Variants in OXNAD1 observed in about 807,000 individuals in gnomAD.
OXNAD1 encodes oxidoreductase NAD binding domain containing 1.
OXNAD1 carries 34 observed loss-of-function variants against 32.9 expected under a neutral mutation model. The observed-to-expected ratio is 1.03, with a 90% CI of 0.79 to 1.38. OXNAD1 has a LOEUF of 1.38. Among genes scored for constraint, OXNAD1 ranks in the 40% most tolerant of loss-of-function variants. OXNAD1 has a pLI of 0.00. For synonymous variants in OXNAD1, 134 were observed against 135.2 expected, an observed-to-expected ratio of 0.99 and a Z score of 0.06; for missense variants, 407 against 379.4, an observed-to-expected ratio of 1.07 and a Z score of -0.60.
chr3:16,313,362 G>A (rs1450082748), intron 9 of OXNAD1, among the ~76,000 whole-genome samples: 2 of 152,020 alleles, frequency 1.3e-5, no homozygotes, highest in African/African-American at 4.8e-5. Flanking sequence ...ATCTTGAACT[G>A]TGCTGAGGGT....
chr3:16,337,689 C>G (rs968907387), downstream of OXNAD1, among the ~76,000 whole-genome samples: 2 of 150,572 alleles, frequency 1.3e-5, no homozygotes, highest in African/African-American at 2.5e-5. This position sits in a 1 kb window ranked among gnomAD's most constrained non-coding sequence, Gnocchi z 5.0. Flanking sequence ...TTGCAGTGAG[C>G]CCAGATTGCG....
chr3:16,313,149 A>G (rs908448763), intron 9 of OXNAD1, among the ~76,000 whole-genome samples: 4 of 148,604 alleles, frequency 2.7e-5, no homozygotes, highest in African/African-American at 1.0e-4. Flanking sequence ...GGGCTCAAGC[A>G]ATTCTCTCAC....
Position 16,291,276 on chromosome 3 carries a change from T to G in OXNAD1, c.291-3580T>G, listed in dbSNP as rs141516613. Among the ~76,000 whole-genome samples the G allele has an allele frequency of 2.9e-4, 44 of 152,314 alleles. No homozygotes were observed. In the East Asian group the frequency reaches 8.3e-3, roughly 29 times the overall value. On this transcript the variant is annotated intron_variant, in intron 5 of 8. Transcript: ENST00000285083. ...ACTTAAAAAGACTGTTATGTTGAGA[T>G]ATATTCATATAAAATTCAAACATTT...
At chr3:16,269,433 C>T (rs943716741) in intron 2 of OXNAD1, among the ~76,000 whole-genome samples, 158 bp downstream of exon 2, 5 of 152,134 alleles carry the variant, frequency 3.3e-5, no homozygotes, top group East Asian at 1.9e-4. Context: ...CATGCTTATC[C>T]GCAATGATGC....
chr3:16,311,112 G>A (rs2067951653), intron 9 of OXNAD1, among the ~76,000 whole-genome samples: 1 of 149,842 alleles, frequency 6.7e-6, no homozygotes, highest in Non-Finnish European at 1.5e-5. Flanking sequence ...AAGAGCTGCT[G>A]CTTTCTGTTG....
chr3:16,300,133 G>C (rs746498705), intron 6 of OXNAD1, among the ~76,000 whole-genome samples: 1 of 152,064 alleles, frequency 6.6e-6, no homozygotes, highest in African/African-American at 2.4e-5. Context: ...TTACCAACTC[G>C]GTCAGATCCA....
chr3:16,298,748 G>C lies in OXNAD1; in HGVS notation c.433-2878G>C, dbSNP rs2066976641. ...GCTCTTGGCAGGGTAAAGGGTTCTA[G>C]ACAGCTATTGTGTGCTCAGCTCCAG... On this transcript the variant is annotated intron_variant, in intron 6 of 8. Transcript: ENST00000285083. The surrounding 1 kb of genome is among the most constrained non-coding windows in gnomAD (Gnocchi z 5.1). Among the ~76,000 whole-genome samples the C allele has an allele frequency of 1.3e-5, 2 of 152,164 alleles. No individual in the cohort carries two copies. The highest frequency in any genetic ancestry group is 6.5e-5 in the Admixed American group (1 of 15,284).
chr3:16,320,199 G>C lies in OXNAD1; in HGVS notation c.*30+16607G>C, dbSNP rs138789594. Among the ~76,000 whole-genome samples the C allele has an allele frequency of 2.0e-5, 3 of 152,214 alleles. No individual in the cohort carries two copies. The highest frequency in any genetic ancestry group is 7.2e-5 in the African/African-American group (3 of 41,448). On this transcript the variant is annotated intron_variant, in intron 9 of 9. Transcript: ENST00000435829. The surrounding 1 kb of genome is among the most constrained non-coding windows in gnomAD (Gnocchi z 4.5). ...AGTTTAGCTGGAAGGAAGTCTTCCC[G>C]AGTTGTAGAAATCACCTACTCCCTT...
At chr3:16,306,295 G>A (rs1182118433), downstream of OXNAD1, among the ~76,000 whole-genome samples, 3 of 152,142 alleles carry the variant, frequency 2.0e-5, no homozygotes, top group African/African-American at 7.2e-5. Flanking sequence ...TTCTGTTTTT[G>A]TCAGCCCTCA....
rs192290078 is a variant in OXNAD1, at chr3:16,317,751, G to A, written c.*30+14159G>A. Among the ~76,000 whole-genome samples, 5 of 144,554 alleles carry A rather than the reference G, an allele frequency of 3.5e-5. No individual in the cohort carries two copies. Among genetic ancestry groups the A allele is most frequent in the Non-Finnish European group, 5.9e-5 (4 of 67,306 alleles). 94.8% of individuals were successfully genotyped at this position (144,554 alleles called of 152,430 possible). On this transcript the variant is annotated intron_variant, in intron 9 of 9. Transcript: ENST00000435829. The surrounding 1 kb of genome is among the most constrained non-coding windows in gnomAD (Gnocchi z 4.3). ...GCTCAGATCCCCCCACAGGACTGGC[G>A]GGCCCGCTCCCCAGCTAGGCCGATA...
In OXNAD1 at chr3:16,317,125, G is replaced by A. The variant is rs970213583; in HGVS notation, c.*30+13533G>A. On this transcript the variant is annotated intron_variant, in intron 9 of 9. Transcript: ENST00000435829. This position sits in a 1 kb window ranked among gnomAD's most constrained non-coding sequence, Gnocchi z 4.3. The stretch of plus-strand genomic sequence containing the variant: ...CAGCTTTGGAAGACTGGTCTTCTAA[G>A]TTCTTCTCATTTTCTTCTGCTTGTT... 5.0e-6 allele frequency: 8 copies of A among 1,613,806 alleles called. No individual in the cohort carries two copies. Among genetic ancestry groups the A allele is most frequent in the Admixed American group, 1.7e-5 (1 of 59,982 alleles).
rs1255517207 is a variant in OXNAD1, at chr3:16,344,746, C to T, written c.*31-4430C>T. ...AGCACATCGTTGCCAAGTGCGGCCT[C>T]TCAATCAGTTATACACCACCCATAG... On this transcript the variant is annotated intron_variant, in intron 9 of 9. Transcript: ENST00000606098. This position sits in a 1 kb window ranked among gnomAD's most constrained non-coding sequence, Gnocchi z 4.4. Among the ~76,000 whole-genome samples, 2 of 152,200 alleles carry T rather than the reference C, an allele frequency of 1.3e-5. No individual in the cohort carries two copies. The highest frequency in any genetic ancestry group is 4.8e-5 in the African/African-American group (2 of 41,428).
In OXNAD1 at chr3:16,346,580, C is replaced by T. The variant is rs2071733943; in HGVS notation, c.*31-2596C>T. On this transcript the variant is annotated intron_variant, in intron 9 of 9. Transcript: ENST00000606098. This position sits in a 1 kb window ranked among gnomAD's most constrained non-coding sequence, Gnocchi z 4.4. Reference sequence around the variant, plus strand: ...CCAACAGCCCCTCGATGGCCCAGGGCTTCTTCCTCACTGACACCCCCCAGG... The same window carrying T: ...CCAACAGCCCCTCGATGGCCCAGGGTTTCTTCCTCACTGACACCCCCCAGG... The T allele has an allele frequency of 6.6e-6, 1 of 152,256 alleles. No individual in the cohort carries two copies. Among genetic ancestry groups the T allele is most frequent in the Non-Finnish European group, 1.5e-5 (1 of 68,114 alleles). The allele number at this position is 152,256 out of a possible 1,614,324, so 9.4% of individuals were successfully genotyped here.
chr3:16,270,376 A>G (rs1361846695), intron 2 of OXNAD1, among the ~76,000 whole-genome samples: 1 of 152,204 alleles, frequency 6.6e-6, no homozygotes. Context: ...ATTGCTGTGT[A>G]GTATATCTTA....
downstream of OXNAD1, among the ~76,000 whole-genome samples, chr3:16,307,243 ACAGT>A (rs1358805624): frequency 3.0e-4 from 46 of 152,342 alleles, no homozygotes; most frequent in Admixed American, 2.4e-3. Context: ...TTCATCCATT[ACAGT>A]CAATTTTTTG....
intron 4 of OXNAD1, among the ~76,000 whole-genome samples, chr3:16,273,978 A>G (rs2065144896): frequency 6.6e-6 from 1 of 152,070 alleles, no homozygotes; most frequent in Admixed American, 6.5e-5. Flanking sequence ...ATTAATTTTA[A>G]TAAAATATAC....
Position 16,290,152 on chromosome 3 carries a change from C to T in OXNAD1, c.290+3704C>T, listed in dbSNP as rs982021624. Among the ~76,000 whole-genome samples, 2 of 152,172 alleles carry T rather than the reference C, an allele frequency of 1.3e-5. No homozygotes were observed. The highest frequency in any genetic ancestry group is 1.5e-5 in the Non-Finnish European group (1 of 68,020). ...GTGTGTCATGGTTGGATGTGGACATCCACTGCTTCACCGCGCACCTAGGCT... is the reference window on the plus strand; with the variant it reads ...GTGTGTCATGGTTGGATGTGGACATTCACTGCTTCACCGCGCACCTAGGCT... On this transcript the variant is annotated intron_variant, in intron 5 of 8. Transcript: ENST00000285083. This position sits in a 1 kb window ranked among gnomAD's most constrained non-coding sequence, Gnocchi z 4.2.
chr3:16,266,199 T>C (rs2064485716), intron 1 of OXNAD1, among the ~76,000 whole-genome samples: 1 of 152,204 alleles, frequency 6.6e-6, no homozygotes, highest in South Asian at 2.1e-4. Flanking sequence ...AGAGATGATA[T>C]AAGATCCTTT....
intron 9 of OXNAD1, among the ~76,000 whole-genome samples, chr3:16,343,599 C>G (rs890945817): frequency 6.6e-6 from 1 of 152,238 alleles, no homozygotes; most frequent in African/African-American, 2.4e-5. Context: ...TCAGCCAGCA[C>G]TGGACTGAAG....
Sources: gnomAD v4.1 joint callset for allele counts (sites outside exome capture counted in the v4.1 genomes callset) on GRCh38, gnomAD v4.1.1 for gene constraint, Gnocchi (gnomAD v3.1) non-coding constraint, MANE v1.5 for transcripts, NCBI Gene and HGNC (gene_info 2026-07-23, HGNC 2026-07-21) for gene names.